The following PALLD variants were observed in gnomAD, a reference collection of about 807,000 sequenced individuals.
The protein encoded by PALLD is palladin.
A neutral mutation model predicts 123.5 loss-of-function variants in PALLD; 61 were observed. The observed-to-expected ratio is 0.49, with a 90% CI of 0.40 to 0.61. PALLD has a LOEUF of 0.61. PALLD is among the 20% of genes least tolerant of loss of function. PALLD has a pLI of 0.00. For synonymous variants in PALLD, 465 were observed against 496.4 expected (o/e 0.94, Z 0.84); for missense variants, 1,273 against 1,377.0 (o/e 0.92, Z 1.20).
At chr4:168,813,097 C>T (rs891417329) in intron 10 of PALLD, among the ~76,000 whole-genome samples, 20 of 88,518 alleles carry the variant, frequency 2.3e-4, no homozygotes, top group South Asian at 7.1e-4. Context: ...TTTTGAAAAA[C>T]GTACTTTTGG....
intron 2 of PALLD, among the ~76,000 whole-genome samples, chr4:168,666,377 A>G (rs910050116): frequency 6.6e-6 from 1 of 152,182 alleles, no homozygotes; most frequent in African/African-American, 2.4e-5. Flanking sequence ...TATTACCTGT[A>G]GTAGGTAATG....
At chr4:168,717,844 A>G (rs1487316949) in intron 10 of PALLD, among the ~76,000 whole-genome samples, 3 of 152,234 alleles carry the variant, frequency 2.0e-5, no homozygotes, top group Admixed American at 1.3e-4. Context: ...TTAATTTGGG[A>G]ACACTTTCAA....
At chr4:168,653,125 C>G (rs1480652369) in intron 2 of PALLD, among the ~76,000 whole-genome samples, 2 of 152,212 alleles carry the variant, frequency 1.3e-5, no homozygotes, top group African/African-American at 4.8e-5. Context: ...AGGGAACTCA[C>G]TAAGCCATTT....
At chr4:168,747,541 G>T (rs1196638348) in intron 10 of PALLD, among the ~76,000 whole-genome samples, 1 of 152,184 alleles carries the variant, frequency 6.6e-6, no homozygotes, top group Non-Finnish European at 1.5e-5. Flanking sequence ...TGAAACTACA[G>T]ATGTCCAAGG....
At chr4:168,776,129 T>C (rs547059198) in intron 10 of PALLD, among the ~76,000 whole-genome samples, 1 of 152,370 alleles carries the variant, frequency 6.6e-6, no homozygotes, top group South Asian at 2.1e-4. Context: ...TTGAGGAACG[T>C]TGACATCTCA....
intron 2 of PALLD, among the ~76,000 whole-genome samples, chr4:168,578,089 A>G (rs7668720): frequency 0.1 from 15,273 of 152,126 alleles, 941 homozygotes; most frequent in South Asian, 0.18. Context: ...AATATTCACA[A>G]ACAACTTGTT....
intron 2 of PALLD, among the ~76,000 whole-genome samples, chr4:168,541,168 T>C (rs185662084): frequency 4.6e-5 from 7 of 152,356 alleles, no homozygotes; most frequent in Admixed American, 2.6e-4. Flanking sequence ...TAAGCGTCAA[T>C]GAATTATTCA....
chr4:168,785,116 A>G (rs1051825617), intron 10 of PALLD, among the ~76,000 whole-genome samples: 59 of 133,660 alleles, frequency 4.4e-4, no homozygotes, highest in African/African-American at 1.6e-3. Flanking sequence ...CAAGGGAAAT[A>G]CAATGGGGCC....
rs181692295 is a variant in PALLD at position 168,902,737 on chromosome 4, A to G, written c.2473-1020A>G. Among the ~76,000 whole-genome samples, 171 of 152,298 alleles carry G rather than the reference A, an allele frequency of 1.1e-3. 1 individual carries two copies. Among genetic ancestry groups the G allele is most frequent in the Admixed American group, 2.6e-3 (40 of 15,284 alleles). Reference sequence around the variant, plus strand: ...GGAAGGAAGGAGGACCCTTTGGACTACTTAAAAATATTGTATTTAATCAAA... The same window carrying G: ...GGAAGGAAGGAGGACCCTTTGGACTGCTTAAAAATATTGTATTTAATCAAA... On this transcript the variant is annotated intron_variant, in intron 14 of 21. Coordinates refer to ENST00000505667, the MANE Select transcript of PALLD (RefSeq NM_001166108.2).
chr4:168,660,274 C>A (rs1054199483), intron 2 of PALLD, among the ~76,000 whole-genome samples: 2 of 152,060 alleles, frequency 1.3e-5, no homozygotes, highest in African/African-American at 4.8e-5. Context: ...CAGCTGCAGC[C>A]CCTTGATTTT....
At chr4:168,653,708 G>C (rs370102922) in intron 2 of PALLD, among the ~76,000 whole-genome samples, 256 of 150,432 alleles carry the variant, frequency 1.7e-3, no homozygotes, top group East Asian at 3.3e-3. Flanking sequence ...TTGTTTGTTT[G>C]TTTCTTTCTT....
rs937091687 is a variant in PALLD, at chr4:168,920,751, T to C, written c.2851-783T>C. Among the ~76,000 whole-genome samples, 2 of 152,240 alleles carry C rather than the reference T, an allele frequency of 1.3e-5. 1 individual carries two copies. Among genetic ancestry groups the C allele is most frequent in the Non-Finnish European group, 2.9e-5 (2 of 68,036 alleles). On this transcript the variant is annotated intron_variant, in intron 17 of 21. Transcript: ENST00000505667. ...GGGTAATTTCGTATTGCTCTTGTTA[T>C]TCAGTTTCAAGGATTATAAAATAAT...
chr4:168,646,297 TA>T (rs1777444186), intron 2 of PALLD, among the ~76,000 whole-genome samples: 1 of 152,186 alleles, frequency 6.6e-6, no homozygotes, highest in Non-Finnish European at 1.5e-5. Flanking sequence ...ACCTACCAAG[TA>T]GAATATTGAT....
intron 2 of PALLD, chr4:168,598,247 G>A (rs987025684): frequency 6.2e-5 from 25 of 402,178 alleles, no homozygotes; most frequent in African/African-American, 4.5e-4. Context: ...AATTTAGTTA[G>A]CTTCATTCTT....
chr4:168,662,622 C>T (rs1357468695), intron 2 of PALLD, among the ~76,000 whole-genome samples: 1 of 152,164 alleles, frequency 6.6e-6, no homozygotes, highest in African/African-American at 2.4e-5. Flanking sequence ...GCTTGTCACC[C>T]TAGTATCTCT....
intron 2 of PALLD, among the ~76,000 whole-genome samples, chr4:168,634,607 T>C (rs1414166371): frequency 6.6e-6 from 1 of 152,080 alleles, no homozygotes; most frequent in Non-Finnish European, 1.5e-5. Flanking sequence ...GAGTGGAGGC[T>C]CCCTCAGAGC....
chr4:168,701,802 C>T (rs954050358), intron 8 of PALLD, among the ~76,000 whole-genome samples: 15 of 152,144 alleles, frequency 9.9e-5, no homozygotes, highest in African/African-American at 3.6e-4. Flanking sequence ...AGTCCAGGGA[C>T]GTAAGCCCTG....
chr4:168,679,105 T>TG (rs148509302), intron 3 of PALLD, among the ~76,000 whole-genome samples: 1 of 89,466 alleles, frequency 1.1e-5, no homozygotes, highest in African/African-American at 5.6e-5. Context: ...GTGTTTATGG[T>TG]GGGTGTGTGT....
chr4:168,732,750 A>G (rs1787305980), intron 10 of PALLD, among the ~76,000 whole-genome samples: 1 of 152,236 alleles, frequency 6.6e-6, no homozygotes, highest in Non-Finnish European at 1.5e-5. Flanking sequence ...GATTTAAAAT[A>G]TGACTCATCA....
Sources: gnomAD v4.1 joint callset for allele counts (sites outside exome capture counted in the v4.1 genomes callset) on GRCh38, gnomAD v4.1.1 for gene constraint, MANE v1.5 for transcripts, NCBI Gene and HGNC (gene_info 2026-07-23, HGNC 2026-07-21) for gene names.